SMARCC2: variants seen among roughly 807,000 people sequenced by gnomAD.
SMARCC2 encodes the protein SWI/SNF related BAF chromatin remodeling complex subunit C2.
Under a neutral mutation model 151.3 loss-of-function variants are expected in SMARCC2, and 15 were observed. That is an observed-to-expected ratio of 0.10 (90% CI 0.07 to 0.15). The LOEUF (loss-of-function observed/expected upper bound fraction) is 0.15. Ranked by LOEUF, SMARCC2 falls within the 10% of genes least tolerant of loss-of-function variation. SMARCC2 has a pLI of 1.00. For synonymous variants in SMARCC2, 590 were observed against 609.5 expected (o/e 0.97, Z 0.47); for missense variants, 1,031 against 1,599.7 (o/e 0.64, Z 6.06).
Position 56,162,538 on chromosome 12 carries a change from A to C in SMARCC2, c.*1151T>G, listed in dbSNP as rs1565886651. On this transcript the variant is annotated 3_prime_UTR_variant, in exon 29 of 29. Transcript: ENST00000550164. ...CAAGAAGAACCAGTGCAGAGCCTGG[A>C]GTCACACCTGCCTTCCCGTCACAGG... 1 of 514,614 alleles carries C rather than the reference A, an allele frequency of 1.9e-6. No homozygotes were observed. The highest frequency in any genetic ancestry group is 3.1e-5 in the East Asian group (1 of 31,820). The allele number at this position is 514,614 out of a possible 1,614,324, so 31.9% of individuals were successfully genotyped here.
Position 56,178,524 on chromosome 12 carries a change from T to C in SMARCC2, c.1190A>G (p.Glu397Gly). 1 of 1,614,240 alleles carries C rather than the reference T, an allele frequency of 6.2e-7. No individual in the cohort carries two copies. Among genetic ancestry groups the C allele is most frequent in the Non-Finnish European group, 8.5e-7 (1 of 1,180,034 alleles). Residue 397 changes from glutamate to glycine, a missense_variant, in exon 14 of 29, where the codon GAG becomes GGG. Coordinates refer to ENST00000550164, the MANE Select transcript of SMARCC2 (RefSeq NM_001330288.2). ...CTCTCCCTTGTTCCCCGTACTGTTC[T>C]CATCCTCATCCTACGAGTATGGAGG... is the stretch of plus-strand genomic sequence containing the variant. ...SMETTGKDED[E>G]NSTGNKGEQT...
intron 4 of SMARCC2, 24 bp from the exon 5 acceptor site, chr12:56,184,960 A>G: frequency 6.2e-7 from 1 of 1,600,534 alleles, no homozygotes; most frequent in Non-Finnish European, 8.6e-7. Flanking sequence ...AAATAGAATG[A>G]GATTATAGGA....
intron 23 of SMARCC2, 79 bp downstream of exon 23, chr12:56,170,065 C>T: frequency 1.4e-6 from 2 of 1,466,754 alleles, no homozygotes; most frequent in Non-Finnish European, 9.5e-7. Context: ...CCCTTGCCCA[C>T]CTAAGCTGAA....
At chr12:56,167,519 T>C (rs1006087952) in intron 26 of SMARCC2, among the ~76,000 whole-genome samples, 16 of 152,282 alleles carry the variant, frequency 1.1e-4, no homozygotes, top group African/African-American at 3.9e-4. Flanking sequence ...GTCTATTTCT[T>C]TTTATGTCCT....
intron 22 of SMARCC2, among the ~76,000 whole-genome samples, 182 bp from the exon 23 acceptor site, chr12:56,170,390 C>T (rs1444242045): frequency 5.3e-5 from 8 of 152,016 alleles, no homozygotes; most frequent in African/African-American, 1.4e-4. Context: ...GGGTGTGAGC[C>T]GTTGCACCCA....
At position 56,162,716 on chromosome 12, in the gene SMARCC2, CAT is replaced by C. The variant is rs1872045690; in HGVS notation, c.*971_*972del. On this transcript the variant is annotated 3_prime_UTR_variant, in exon 29 of 29. Coordinates refer to ENST00000550164, the MANE Select transcript of SMARCC2 (RefSeq NM_001330288.2). ...GCCCCCAGCTATCAGCTGAAGTTCT[CAT>C]AGTCTTGGTGGGAGAGGGAGGAAGC... is the stretch of plus-strand genomic sequence containing the variant. 1 of 189,902 alleles carries C rather than the reference CAT, an allele frequency of 5.3e-6. No individual in the cohort carries two copies. The highest frequency in any genetic ancestry group is 5.4e-5 in the Admixed American group (1 of 18,372). The allele number at this position is 189,902 out of a possible 1,614,324, so 11.8% of individuals were successfully genotyped here. A position where few individuals can be genotyped will look rare whatever the true frequency, so the allele number is the denominator to read the frequency against.
intron 16 of SMARCC2, 46 bp from the exon 17 acceptor site, chr12:56,173,895 G>A (rs1874429563): frequency 1.3e-6 from 2 of 1,558,332 alleles, no homozygotes; most frequent in Non-Finnish European, 1.7e-6. Context: ...TAGCCAGAAA[G>A]GTGCACGAGG....
In SMARCC2 at chr12:56,165,338, A is replaced by G. The variant is rs752629582; in HGVS notation, c.3212T>C (p.Val1071Ala). The G allele has an allele frequency of 7.4e-6, 11 of 1,485,136 alleles. No individual in the cohort carries two copies. In the South Asian group the frequency reaches 1.3e-4, roughly 17 times the overall value. 92.0% of individuals were successfully genotyped at this position (1,485,136 alleles called of 1,614,324 possible). Residue 1071 changes from valine to alanine, a missense_variant, in exon 27 of 29, where the codon GTT becomes GCT. Physicochemically the swap from Val to Ala is moderately conservative, Grantham distance 64. This residue lies in a region of SMARCC2 where 310 missense variants were observed against 350.0 expected (regional missense o/e 0.89). Coordinates refer to ENST00000550164, the MANE Select transcript of SMARCC2 (RefSeq NM_001330288.2). ...CTTACCATGGGGTCCAGGGGGGGGA[A>G]CCCCTGGTGGGACTGCCCCAGGCTG... is the stretch of plus-strand genomic sequence containing the variant. ...APQPGAVPPG[V>A]PPPGPHGPSP...
At chr12:56,184,692 C>G in intron 5 of SMARCC2, 152 bp downstream of exon 5, 1 of 608,904 alleles carries the variant, frequency 1.6e-6, no homozygotes, top group East Asian at 2.8e-5. Flanking sequence ...CAGAAAAAGA[C>G]AGACTCAAGG....
At chr12:56,184,473 A>G in intron 5 of SMARCC2, 1 of 568,630 alleles carries the variant, frequency 1.8e-6, no homozygotes, top group Non-Finnish European at 3.1e-6. Context: ...CTGAACAGAT[A>G]ATCTATACAT....
Position 56,178,501 on chromosome 12 carries a change from C to T in SMARCC2, c.1213G>A (p.Glu405Lys). Residue 405 changes from glutamate to lysine, a missense_variant, in exon 14 of 29, where the codon GAG becomes AAG. Around this residue, in one of 12 missense-constraint regions of SMARCC2, gnomAD observed 127 missense variants for 141.7 expected, o/e 0.90. Coordinates refer to ENST00000550164, the MANE Select transcript of SMARCC2 (RefSeq NM_001330288.2). ...EDENSTGNKG[E>K]QTKNPDLHED... ...TGCAGGTCTGGATTCTTGGTCTGCTCTCCCTTGTTCCCCGTACTGTTCTCA... is the reference window on the plus strand; with the variant it reads ...TGCAGGTCTGGATTCTTGGTCTGCTTTCCCTTGTTCCCCGTACTGTTCTCA... 1 of 1,614,172 alleles carries T rather than the reference C, an allele frequency of 6.2e-7. No individual in the cohort carries two copies.
At chr12:56,181,237 C>T (rs1271371384) in intron 10 of SMARCC2, 136 bp from the exon 11 acceptor site, 19 of 854,474 alleles carry the variant, frequency 2.2e-5, no homozygotes, top group Non-Finnish European at 3.3e-5. Context: ...AGTAATCACA[C>T]AGTAATGGGA....
intron 15 of SMARCC2, among the ~76,000 whole-genome samples, chr12:56,177,141 TCATCATGTTAGC>T (rs1202338796): frequency 1.3e-5 from 2 of 152,002 alleles, no homozygotes; most frequent in Non-Finnish European, 2.9e-5. Flanking sequence ...AGATGGGGTT[TCATCATGTTAGC>T]CAGCATGGTC....
intron 15 of SMARCC2, among the ~76,000 whole-genome samples, chr12:56,175,582 C>T (rs1037795383): frequency 4.6e-5 from 7 of 151,998 alleles, no homozygotes; most frequent in Non-Finnish European, 2.9e-5. Context: ...TAGTGCCTGG[C>T]GCATTGTAGG....
chr12:56,181,396 G>A (rs779382640), intron 10 of SMARCC2, 86 bp downstream of exon 10: 1 of 851,614 alleles, frequency 1.2e-6, no homozygotes, highest in Non-Finnish European at 1.8e-6. Flanking sequence ...AGGGCCAGGT[G>A]GTTATAGGAA....
intron 16 of SMARCC2, chr12:56,174,398 C>T: frequency 2.8e-6 from 1 of 359,096 alleles, no homozygotes; most frequent in Non-Finnish European, 5.1e-6. Flanking sequence ...AGGCATGAGC[C>T]ACCACACCTG....
chr12:56,179,110 C>G, intron 11 of SMARCC2, 54 bp from the exon 12 acceptor site: 1 of 1,486,318 alleles, frequency 6.7e-7, no homozygotes, highest in Non-Finnish European at 9.4e-7. Flanking sequence ...TTCAAGCCTT[C>G]AATTTAATAG....
intron 28 of SMARCC2, 120 bp downstream of exon 28, chr12:56,164,183 A>G: frequency 4.5e-6 from 4 of 892,234 alleles, no homozygotes; most frequent in Non-Finnish European, 6.7e-6. Flanking sequence ...TAATTTTACC[A>G]GAGTGTTCAA....
rs758558741 is a variant in SMARCC2 at position 56,163,609 on chromosome 12, G to A, written c.*80C>T. 1.5e-4 allele frequency: 111 copies of A among 739,058 alleles called. 1 individual carries two copies. The South Asian group carries it at 1.7e-3, about 11-fold the overall frequency. The allele number at this position is 739,058 out of a possible 1,614,324, so 45.8% of individuals were successfully genotyped here. ...TGATGAACTCTCCAGGCTGGGGAGG[G>A]TCCCAGTGGTGGGGGAAGGGCTGTT... On this transcript the variant is annotated 3_prime_UTR_variant, in exon 29 of 29. Coordinates refer to ENST00000550164, the MANE Select transcript of SMARCC2 (RefSeq NM_001330288.2).
Sources: gnomAD v4.1 joint callset for allele counts (sites outside exome capture counted in the v4.1 genomes callset) on GRCh38, gnomAD v4.1.1 for gene constraint, gnomAD v4.1.1 regional missense constraint, MANE v1.5 for transcripts, NCBI Gene and HGNC (gene_info 2026-07-23, HGNC 2026-07-21) for gene names.